Variants in CEMIP2 observed in about 807,000 individuals in gnomAD.
CEMIP2 encodes the protein cell migration inducing hyaluronidase 2, also known as cell surface hyaluronidase CEMIP2.
A neutral mutation model predicts 146.9 loss-of-function variants in CEMIP2; 79 were observed. That is an observed-to-expected ratio of 0.54 (90% CI 0.45 to 0.65). The LOEUF (loss-of-function observed/expected upper bound fraction) is 0.65. Among genes scored for constraint, CEMIP2 ranks in the 30% least tolerant of loss-of-function variants. The probability of loss-of-function intolerance (pLI) is 0.00; values close to 1 mark genes in which losing one functional copy is unlikely to be tolerated. For synonymous variants in CEMIP2, 601 were observed against 606.3 expected, an observed-to-expected ratio of 0.99 and a Z score of 0.13; for missense variants, 1,596 against 1,696.2, an observed-to-expected ratio of 0.94 and a Z score of 1.04.
chr9:71,721,506 C>A lies in CEMIP2; in HGVS notation c.2267+921G>T, dbSNP rs572131211. 2.6e-5 allele frequency among the ~76,000 whole-genome samples: 4 copies of A among 152,300 alleles called. No homozygotes were observed. The East Asian group carries it at 7.7e-4, about 29-fold the overall frequency. Reference sequence around the variant, plus strand: ...AGGCTCAACTTGATGTTTGAGGAATCCTCAAGACAAACTAGACTTTCCCCA... The same window carrying A: ...AGGCTCAACTTGATGTTTGAGGAATACTCAAGACAAACTAGACTTTCCCCA... On this transcript the variant is annotated intron_variant, in intron 12 of 23. Coordinates refer to ENST00000377044, the MANE Select transcript of CEMIP2 (RefSeq NM_013390.3).
chr9:71,723,893 A>G (rs188036873), intron 11 of CEMIP2, among the ~76,000 whole-genome samples: 5 of 152,328 alleles, frequency 3.3e-5, no homozygotes, highest in Admixed American at 3.3e-4. Flanking sequence ...GCTATAAAGT[A>G]TTATCCTGGA....
intron 1 of CEMIP2, among the ~76,000 whole-genome samples, chr9:71,756,687 A>G (rs1824471680): frequency 6.6e-6 from 1 of 152,134 alleles, no homozygotes; most frequent in African/African-American, 2.4e-5. Flanking sequence ...TAAAGCAAAA[A>G]AAGTCTATGT....
chr9:71,752,765 G>A (rs897350459), intron 1 of CEMIP2, among the ~76,000 whole-genome samples: 4 of 151,942 alleles, frequency 2.6e-5, no homozygotes, highest in East Asian at 1.9e-4. Context: ...ACACAAAATG[G>A]TCATTAGAGA....
chr9:71,698,232 A>G (rs1055317391), intron 19 of CEMIP2, 28 bp from the exon 20 acceptor site: 1 of 1,595,216 alleles, frequency 6.3e-7, no homozygotes, highest in African/African-American at 1.3e-5. Flanking sequence ...CAATCCATGT[A>G]GTTAGACTTA....
intron 1 of CEMIP2, among the ~76,000 whole-genome samples, chr9:71,756,113 T>C (rs1824433756): frequency 6.6e-6 from 1 of 150,662 alleles, no homozygotes; most frequent in Non-Finnish European, 1.5e-5. Context: ...AAAGCTTACA[T>C]ACAACATACA....
chr9:71,690,028 T>A (rs1822179079), intron 22 of CEMIP2, 64 bp downstream of exon 22: 1 of 1,571,408 alleles, frequency 6.4e-7, no homozygotes. Context: ...CCAGGCATTA[T>A]CAGTTTGGAG....
intron 18 of CEMIP2, among the ~76,000 whole-genome samples, chr9:71,702,572 T>A (rs1329629258): frequency 6.6e-6 from 1 of 152,126 alleles, no homozygotes; most frequent in Non-Finnish European, 1.5e-5. Flanking sequence ...TCCATTTTCT[T>A]TATGTTTTTC....
chr9:71,743,086 T>G (rs536986381), intron 4 of CEMIP2, among the ~76,000 whole-genome samples: 2 of 152,152 alleles, frequency 1.3e-5, no homozygotes, highest in South Asian at 4.1e-4. Flanking sequence ...GAAAAGAAAA[T>G]GAGCCAGCAC....
At chr9:71,732,680 C>G (rs951825576) in intron 6 of CEMIP2, among the ~76,000 whole-genome samples, 160 bp from the exon 7 acceptor site, 2 of 139,458 alleles carry the variant, frequency 1.4e-5, no homozygotes, top group African/African-American at 5.7e-5. Context: ...TCCCAGGACA[C>G]GGGGAATTTT....
chr9:71,716,948 A>C (rs1589141861), intron 13 of CEMIP2, among the ~76,000 whole-genome samples: 2 of 152,156 alleles, frequency 1.3e-5, no homozygotes, highest in South Asian at 2.1e-4. Flanking sequence ...GAGGCAGGAG[A>C]ATCGCTTGAG....
rs927205025 is a variant in CEMIP2 at position 71,715,049 on chromosome 9, C to G, written c.2476G>C (p.Val826Leu). ...FPSDEGSSQE[V>L]SESLFVGESR... is the part of the protein sequence containing the mutation. ...TCCCCAACAAAGAGAGATTCAGATA[C>G]CTCTTGGCTGGAACCTTCATCACTT... Residue 826 changes from valine to leucine, a missense_variant, in exon 15 of 24, where the codon GTA becomes CTA. Val to Leu is a conservative substitution (Grantham distance 32). Coordinates refer to ENST00000377044, the MANE Select transcript of CEMIP2 (RefSeq NM_013390.3). 1 of 1,613,944 alleles carries G rather than the reference C, an allele frequency of 6.2e-7. No homozygotes were observed.
In CEMIP2 at chr9:71,750,132, T is replaced by G. The variant is rs199978896; in HGVS notation, c.242A>C (p.Asn81Thr). 353 of 1,613,850 alleles carry G rather than the reference T, an allele frequency of 2.2e-4. 2 individuals are homozygous for G. Among genetic ancestry groups the G allele is most frequent in the South Asian group, 2.6e-4 (24 of 91,070 alleles). ...RESQKQKRHK[N>T]TFICFAITSF... ...AGTAATAGCAAAACAAATGAAAGTA[T>G]TTTTGTGTCTCTTTTGCTTTTGACT... The change falls in exon 2 of 24, where the codon AAT becomes ACT. Residue 81 changes from asparagine (N) to threonine (T), a missense_variant. Physicochemically the swap from Asn to Thr is moderately conservative, Grantham distance 65. Transcript: ENST00000377044.
chr9:71,727,858 C>G (rs922085248), intron 10 of CEMIP2, among the ~76,000 whole-genome samples: 2 of 152,022 alleles, frequency 1.3e-5, no homozygotes, highest in African/African-American at 4.8e-5. Flanking sequence ...GTCAGGAGTT[C>G]AAGACCAGCC....
intron 2 of CEMIP2, among the ~76,000 whole-genome samples, chr9:71,746,596 CAAAAAAAAAAAA>C (rs5898226): frequency 2.7e-5 from 2 of 75,180 alleles, no homozygotes; most frequent in Non-Finnish European, 4.7e-5. Context: ...CAAACTTCAC[CAAAAAAAAAAAA>C]AAAAAAAAAA....
At chr9:71,756,941 A>C (rs1439598508) in intron 1 of CEMIP2, among the ~76,000 whole-genome samples, 4 of 152,244 alleles carry the variant, frequency 2.6e-5, no homozygotes, top group African/African-American at 9.6e-5. Flanking sequence ...TGCTGTGATC[A>C]AAGAGAAAGG....
chr9:71,751,578 CAG>C (rs1824255463), intron 1 of CEMIP2, among the ~76,000 whole-genome samples: 1 of 152,186 alleles, frequency 6.6e-6, no homozygotes. Context: ...TAAGAATCAT[CAG>C]AGAAGCTTGC....
At chr9:71,754,948 T>C (rs1047579300) in intron 1 of CEMIP2, among the ~76,000 whole-genome samples, 16 of 151,962 alleles carry the variant, frequency 1.1e-4, no homozygotes, top group Non-Finnish European at 1.9e-4. Flanking sequence ...AAAAAGTAGC[T>C]AGTGCTTTTG....
At chr9:71,707,204 G>C (rs1481558951) in intron 17 of CEMIP2, among the ~76,000 whole-genome samples, 1 of 152,124 alleles carries the variant, frequency 6.6e-6, no homozygotes, top group East Asian at 1.9e-4. Flanking sequence ...AACTTAATTT[G>C]GGGAAGGCAA....
Position 71,745,010 on chromosome 9 carries a change from A to G in CEMIP2, c.1034+8T>C, listed in dbSNP as rs1403244525. On this transcript the variant is annotated splice_region_variant and intron_variant, in intron 4 of 23. Coordinates refer to ENST00000377044, the MANE Select transcript of CEMIP2 (RefSeq NM_013390.3). ...TCTGATAGGGATCTGGGAAGAAGGT[A>G]TGCCTACCTGTAGCCCAGTCCTTGG... 3 of 1,610,540 alleles carry G rather than the reference A, an allele frequency of 1.9e-6. No individual in the cohort carries two copies. Among genetic ancestry groups the G allele is most frequent in the African/African-American group, 2.7e-5 (2 of 74,912 alleles).
Sources: gnomAD v4.1 joint callset for allele counts (sites outside exome capture counted in the v4.1 genomes callset) on GRCh38, gnomAD v4.1.1 for gene constraint, MANE v1.5 for transcripts, NCBI Gene and HGNC (gene_info 2026-07-23, HGNC 2026-07-21) for gene names.